NIPSNAP3B: variants seen among roughly 807,000 people sequenced by gnomAD.
NIPSNAP3B encodes the protein nipsnap homolog 3B.
NIPSNAP3B carries 30 observed loss-of-function variants against 31.5 expected under a neutral mutation model. The observed-to-expected ratio is 0.95, with a 90% confidence interval of 0.71 to 1.29. The LOEUF (loss-of-function observed/expected upper bound fraction) is 1.29, where lower values mean the gene tolerates loss of function less well. Among genes scored for constraint, NIPSNAP3B ranks in the 50% most tolerant of loss-of-function variants. The pLI, the probability that NIPSNAP3B is intolerant of heterozygous loss-of-function variation, is 0.00. For missense variants in NIPSNAP3B, 269 were observed against 300.7 expected (o/e 0.89, Z 0.78); for synonymous variants, 106 against 107.9 (o/e 0.98, Z 0.11).
At chr9:104,786,370 A>G in the NIPSNAP3B span, 3 of 1,614,112 alleles carry the variant, frequency 1.9e-6, no homozygotes, top group Non-Finnish European at 2.5e-6. Context: ...CCTAGTGCAA[A>G]GAGCTTCACA....
Position 104,774,159 on chromosome 9 carries a change from T to C in NIPSNAP3B, c.*1086T>C, listed in dbSNP as rs1316168848. 1 of 152,256 alleles carries C rather than the reference T, an allele frequency of 6.6e-6. No individual in the cohort carries two copies. The highest frequency in any genetic ancestry group is 1.5e-5 in the Non-Finnish European group (1 of 68,040). The allele number at this position is 152,256 out of a possible 1,614,324, so 9.4% of individuals were successfully genotyped here. A position where few individuals can be genotyped will look rare whatever the true frequency, so the allele number is the denominator to read the frequency against. On this transcript the variant is annotated 3_prime_UTR_variant, in exon 6 of 6. Transcript: ENST00000374762. ...TTACAGACTATCTTCTGATAATCTGTATTTACAGCTATGTTATTTTATATT... is the reference window on the plus strand; with the variant it reads ...TTACAGACTATCTTCTGATAATCTGCATTTACAGCTATGTTATTTTATATT...
chr9:104,788,294 A>G, the NIPSNAP3B span: 1 of 1,382,266 alleles, frequency 7.2e-7, no homozygotes, highest in Admixed American at 1.7e-5. Flanking sequence ...AAGCAGATAC[A>G]AAGAACCAGC....
At chr9:104,780,927 T>G (rs1169642404), downstream of NIPSNAP3B, 1 of 152,650 alleles carries the variant, frequency 6.6e-6, no homozygotes, top group Non-Finnish European at 1.5e-5. Flanking sequence ...TTGATCCAAA[T>G]CACTTCCCCT....
intron 3 of NIPSNAP3B, among the ~76,000 whole-genome samples, chr9:104,770,053 T>TA (rs2118792637): frequency 6.6e-6 from 1 of 152,316 alleles, no homozygotes; most frequent in East Asian, 1.9e-4. Flanking sequence ...TGAAAAGTCT[T>TA]GTTTGGATTC....
chr9:104,766,744 A>T (rs72732604), intron 2 of NIPSNAP3B, among the ~76,000 whole-genome samples: 560 of 152,280 alleles, frequency 3.7e-3, no homozygotes, highest in Non-Finnish European at 6.1e-3. Flanking sequence ...TGTTATCATA[A>T]ATGAGAAAAC....
intron 4 of NIPSNAP3B, chr9:104,771,204 C>T (rs1445146486): frequency 2.2e-6 from 1 of 462,176 alleles, no homozygotes. Context: ...AAATGCTGAA[C>T]TGGTGTTTGT....
At chr9:104,782,533 G>C (rs1828604213), downstream of NIPSNAP3B, 1 of 152,026 alleles carries the variant, frequency 6.6e-6, no homozygotes, top group South Asian at 2.1e-4. Flanking sequence ...AAGTATTAGT[G>C]AAACAGTATT....
At chr9:104,788,780 C>T in the NIPSNAP3B span, among the ~76,000 whole-genome samples, 7 of 152,230 alleles carry the variant, frequency 4.6e-5, no homozygotes, top group African/African-American at 1.7e-4. Flanking sequence ...CCTTGCACCT[C>T]CCTGGCTCTC....
At chr9:104,780,010 G>A (rs1386099350), downstream of NIPSNAP3B, among the ~76,000 whole-genome samples, 4 of 152,204 alleles carry the variant, frequency 2.6e-5, no homozygotes, top group Admixed American at 2.6e-4. Context: ...CTGGACGACA[G>A]AGCGAGATTC....
downstream of NIPSNAP3B, among the ~76,000 whole-genome samples, chr9:104,779,333 G>A (rs945401946): frequency 1.3e-5 from 2 of 152,078 alleles, no homozygotes; most frequent in African/African-American, 4.8e-5. Context: ...GTACCCCCTA[G>A]TACCTAGAGA....
chr9:104,786,097 T>C, the NIPSNAP3B span, among the ~76,000 whole-genome samples: 2 of 152,224 alleles, frequency 1.3e-5, no homozygotes, highest in African/African-American at 4.8e-5. Context: ...GTTAAGTCAC[T>C]TGCCCAAGAG....
the NIPSNAP3B span, chr9:104,784,435 C>T: frequency 5.6e-6 from 9 of 1,614,050 alleles, no homozygotes; most frequent in Non-Finnish European, 7.6e-6. Flanking sequence ...CACTTTGGTC[C>T]TTGGCAAAGT....
In NIPSNAP3B at chr9:104,776,062, C is replaced by T. The variant is rs957677811; in HGVS notation, c.*2989C>T. ...ATCATATCACTCCTCTGCTCAACAC[C>T]CCCTCCCAATACCTTCATGTCATCC... On this transcript the variant is annotated 3_prime_UTR_variant, in exon 6 of 6. Coordinates refer to ENST00000374762, the MANE Select transcript of NIPSNAP3B (RefSeq NM_018376.4). Among the ~76,000 whole-genome samples, 11 of 152,092 alleles carry T rather than the reference C, an allele frequency of 7.2e-5. No homozygotes were observed. The highest frequency in any genetic ancestry group is 5.2e-4 in the Admixed American group (8 of 15,266).
At chr9:104,784,399 TGA>T in the NIPSNAP3B span, 3 of 1,614,166 alleles carry the variant, frequency 1.9e-6, no homozygotes, top group Admixed American at 1.7e-5. Flanking sequence ...TTTTGTGTAA[TGA>T]GAGGTCTTTT....
the NIPSNAP3B span, chr9:104,788,557 T>C: frequency 3.1e-6 from 5 of 1,614,212 alleles, no homozygotes; most frequent in South Asian, 1.1e-5. Context: ...TCATGGATGT[T>C]TGATAAGATA....
chr9:104,771,770 C>A (rs929705083), intron 4 of NIPSNAP3B, among the ~76,000 whole-genome samples: 4 of 152,130 alleles, frequency 2.6e-5, no homozygotes, highest in Non-Finnish European at 4.4e-5. Context: ...GGTCGAATGG[C>A]AGTTCTGCTT....
chr9:104,782,382 T>A (rs1484023953), downstream of NIPSNAP3B: 1 of 152,082 alleles, frequency 6.6e-6, no homozygotes, highest in African/African-American at 2.4e-5. Flanking sequence ...TAATTTGAAA[T>A]CTGAAGTCTT....
chr9:104,784,030 G>A, the NIPSNAP3B span: 3 of 348,310 alleles, frequency 8.6e-6, no homozygotes, highest in Admixed American at 4.3e-5. Context: ...AAACCCATAT[G>A]TCCATTGGGT....
At position 104,773,063 on chromosome 9, in the gene NIPSNAP3B, CA is replaced by C. The variant is rs1564059504; in HGVS notation, c.735del (p.Leu246Ter). On this transcript the variant is annotated frameshift_variant, in exon 6 of 6. Transcript: ENST00000374762. LOFTEE classifies it high-confidence loss of function. Reference sequence around the variant, plus strand: ...CTTCTGATTCCTGCATCATTTTCACCATTGAAATAGTTTTCTACTGAAATAC... The same window carrying C: ...CTTCTGATTCCTGCATCATTTTCACCTTGAAATAGTTTTCTACTGAAATAC... ...NMLLIPASFS[P>X]LK 1.2e-6 allele frequency: 2 copies of C among 1,613,784 alleles called. No homozygotes were observed. Among genetic ancestry groups the C allele is most frequent in the African/African-American group, 2.7e-5 (2 of 75,042 alleles).
Sources: allele counts gnomAD v4.1 joint callset (sites outside exome capture counted in the v4.1 genomes callset), GRCh38; gene constraint gnomAD v4.1.1; transcripts MANE v1.5; gene names NCBI Gene and HGNC (gene_info 2026-07-23, HGNC 2026-07-21).